The following STX18 variants were observed in gnomAD, a reference collection of about 807,000 sequenced individuals.
The protein encoded by STX18 is syntaxin-18.
In STX18, 40 loss-of-function variants were observed where a neutral mutation model predicts 50.1. That is an observed-to-expected ratio of 0.80 (90% CI 0.62 to 1.04). The LOEUF is 1.04. Among genes scored for constraint, STX18 ranks in the 50% least tolerant of loss-of-function variants. The pLI, the probability that STX18 is intolerant of heterozygous loss-of-function variation, is 0.00. For synonymous variants in STX18, 158 were observed against 151.8 expected (o/e 1.04, Z -0.30); for missense variants, 410 against 415.8 (o/e 0.99, Z 0.12).
At chr4:4,510,762 A>G (rs1336031694) in intron 1 of STX18, among the ~76,000 whole-genome samples, 1 of 152,242 alleles carries the variant, frequency 6.6e-6, no homozygotes, top group Admixed American at 6.5e-5. Context: ...CCAAAGGCCC[A>G]TCAATGATAG....
chr4:4,436,747 G>A (rs1725797660), intron 6 of STX18, among the ~76,000 whole-genome samples: 1 of 152,096 alleles, frequency 6.6e-6, no homozygotes, highest in African/African-American at 2.4e-5. Context: ...CCCTACTCTG[G>A]CATTCAAGGC....
At chr4:4,509,405 G>T (rs1232166003) in intron 1 of STX18, among the ~76,000 whole-genome samples, 2 of 148,712 alleles carry the variant, frequency 1.3e-5, no homozygotes, top group African/African-American at 4.9e-5. Context: ...TTTTTAAAGG[G>T]TTTTTTTTTT....
At chr4:4,515,908 C>T (rs1190153062) in intron 1 of STX18, among the ~76,000 whole-genome samples, 1 of 152,074 alleles carries the variant, frequency 6.6e-6, no homozygotes, top group African/African-American at 2.4e-5. Context: ...CCGAAAACAG[C>T]ATCTGATTAC....
chr4:4,489,391 ATTTTTTTTTTTTTTTTTTTTT>A (rs34563523), intron 1 of STX18, among the ~76,000 whole-genome samples: 14 of 51,602 alleles, frequency 2.7e-4, no homozygotes, highest in Non-Finnish European at 4.5e-4. Flanking sequence ...ATGCAAAATA[ATTTTTTTTTTTTTTTTTTTTT>A]TTTTTTTTTT....
intron 1 of STX18, among the ~76,000 whole-genome samples, chr4:4,530,844 C>T (rs1028475617): frequency 7.9e-5 from 12 of 152,182 alleles, no homozygotes; most frequent in African/African-American, 2.2e-4. Context: ...TAAGCTCAAG[C>T]GATCCACCCA....
chr4:4,503,111 A>G (rs1200478542), intron 1 of STX18, among the ~76,000 whole-genome samples: 1 of 152,206 alleles, frequency 6.6e-6, no homozygotes, highest in Non-Finnish European at 1.5e-5. Context: ...TCACTAAAAA[A>G]AGTTAATGAC....
intron 1 of STX18, chr4:4,499,616 A>T (rs1420282232): frequency 1.3e-6 from 1 of 782,898 alleles, no homozygotes; most frequent in Non-Finnish European, 1.6e-6. Flanking sequence ...TCATTATTCA[A>T]TAGCTAATCC....
chr4:4,489,051 A>G (rs1346497930), intron 1 of STX18, among the ~76,000 whole-genome samples: 3 of 151,900 alleles, frequency 2.0e-5, no homozygotes, highest in African/African-American at 7.3e-5. Context: ...ACTCAAACTG[A>G]TTTTTTTTCT....
At chr4:4,489,051 ATTTT>A (rs961145267) in intron 1 of STX18, among the ~76,000 whole-genome samples, 1 of 151,900 alleles carries the variant, frequency 6.6e-6, no homozygotes, top group African/African-American at 2.4e-5. Context: ...ACTCAAACTG[ATTTT>A]TTTTCTCTTT....
At chr4:4,498,556 A>G (rs1037536702) in intron 1 of STX18, among the ~76,000 whole-genome samples, 3 of 152,214 alleles carry the variant, frequency 2.0e-5, no homozygotes, top group Non-Finnish European at 4.4e-5. Context: ...TGGATTATCT[A>G]TATCATTGCT....
intron 2 of STX18, among the ~76,000 whole-genome samples, chr4:4,461,587 A>C (rs764270879): frequency 2.0e-5 from 3 of 152,252 alleles, no homozygotes; most frequent in African/African-American, 4.8e-5. Flanking sequence ...CATACTCCAC[A>C]TAAAATGTTC....
chr4:4,439,387 C>T (rs891661551), intron 5 of STX18, among the ~76,000 whole-genome samples: 1 of 111,612 alleles, frequency 9.0e-6, no homozygotes, highest in South Asian at 3.4e-4. Context: ...ATACCCCCTA[C>T]ATACACACAC....
At chr4:4,532,857 G>A (rs1400361163) in intron 1 of STX18, among the ~76,000 whole-genome samples, 4 of 152,188 alleles carry the variant, frequency 2.6e-5, no homozygotes, top group Non-Finnish European at 4.4e-5. Flanking sequence ...CCAAGAAAAG[G>A]CAAGTGTTCA....
intron 1 of STX18, among the ~76,000 whole-genome samples, chr4:4,535,680 A>C (rs1476997541): frequency 6.6e-6 from 1 of 152,202 alleles, no homozygotes; most frequent in Non-Finnish European, 1.5e-5. Context: ...ATTTAAAAAG[A>C]AATCTATATG....
At chr4:4,505,202 A>G (rs944063066) in intron 1 of STX18, among the ~76,000 whole-genome samples, 6 of 152,236 alleles carry the variant, frequency 3.9e-5, no homozygotes, top group Non-Finnish European at 8.8e-5. Context: ...CAATAAATCC[A>G]TAATAAATTG....
chr4:4,536,183 T>C (rs1376045338), intron 1 of STX18, among the ~76,000 whole-genome samples: 1 of 152,232 alleles, frequency 6.6e-6, no homozygotes, highest in Non-Finnish European at 1.5e-5. Flanking sequence ...TCAAGAATCA[T>C]GTGAGTATCA....
intron 7 of STX18, among the ~76,000 whole-genome samples, chr4:4,429,876 C>T (rs1395642512): frequency 1.3e-5 from 2 of 152,162 alleles, no homozygotes; most frequent in African/African-American, 4.8e-5. Context: ...GGGACAGGGC[C>T]TTGGAAGACG....
At chr4:4,527,977 G>T (rs1730878981) in intron 1 of STX18, among the ~76,000 whole-genome samples, 1 of 151,946 alleles carries the variant, frequency 6.6e-6, no homozygotes, top group Non-Finnish European at 1.5e-5. Context: ...GGGTCACCCT[G>T]AGTGAGGCTG....
chr4:4,431,811 C>G (rs755881629), intron 7 of STX18, among the ~76,000 whole-genome samples: 3 of 152,206 alleles, frequency 2.0e-5, no homozygotes, highest in Non-Finnish European at 4.4e-5. Context: ...ATTTCCTACA[C>G]CACAGCTCTC....
Sources: allele counts gnomAD v4.1 joint callset (sites outside exome capture counted in the v4.1 genomes callset), GRCh38; gene constraint gnomAD v4.1.1; transcripts MANE v1.5; gene names NCBI Gene and HGNC (gene_info 2026-07-23, HGNC 2026-07-21).